The following GABRP variants were observed in gnomAD, a reference collection of about 807,000 sequenced individuals.
The protein encoded by GABRP is gamma-aminobutyric acid receptor subunit pi.
In GABRP, 52 loss-of-function variants were observed where a neutral mutation model predicts 47.8. The observed-to-expected ratio is 1.09, with a 90% CI of 0.87 to 1.37. GABRP has a LOEUF of 1.37. Among genes scored for constraint, GABRP ranks in the 40% most tolerant of loss-of-function variants. GABRP has a pLI of 0.00. For missense variants in GABRP, 525 were observed against 542.8 expected, an observed-to-expected ratio of 0.97 and a Z score of 0.33; for synonymous variants, 221 against 205.8, an observed-to-expected ratio of 1.07 and a Z score of -0.63.
intron 3 of GABRP, among the ~76,000 whole-genome samples, chr5:170,791,285 C>A (rs529630141): frequency 1.3e-5 from 2 of 152,322 alleles, no homozygotes; most frequent in Admixed American, 1.3e-4. Flanking sequence ...AAAGCACAAC[C>A]CCATACCCCT....
At chr5:170,801,862 G>C (rs373616128) in intron 6 of GABRP, among the ~76,000 whole-genome samples, 2 of 151,604 alleles carry the variant, frequency 1.3e-5, no homozygotes, top group African/African-American at 2.4e-5. Flanking sequence ...TAATGGGGGG[G>C]GGGTCAGAGT....
Position 170,789,205 on chromosome 5 carries a change from C to G in GABRP, c.130C>G (p.Leu44Val). Residue 44 changes from leucine (L) to valine (V), a missense_variant, in exon 3 of 10, where the codon CTC becomes GTC. By Grantham distance (32) the Leu-to-Val change is conservative. Coordinates refer to ENST00000265294, the MANE Select transcript of GABRP (RefSeq NM_014211.3). ...GCTTTCCCTGCCTGGCTTTGAGAAC[C>G]TCACAGCAGGATATAACAAATTTCT... Reference protein sequence around the residue: ...DKLSLPGFENLTAGYNKFLRP... With the variant: ...DKLSLPGFENVTAGYNKFLRP... The G allele has an allele frequency of 6.2e-7, 1 of 1,614,182 alleles. No individual in the cohort carries two copies. Among genetic ancestry groups the G allele is most frequent in the Non-Finnish European group, 8.5e-7 (1 of 1,180,014 alleles).
intron 1 of GABRP, 109 bp from the exon 2 acceptor site, chr5:170,788,465 A>G (rs983517364): frequency 7.4e-6 from 5 of 678,274 alleles, no homozygotes; most frequent in Non-Finnish European, 1.3e-5. Flanking sequence ...GCTGCTTCCT[A>G]TGCATGCTGA....
chr5:170,789,097 A>T lies in GABRP; in HGVS notation c.54-32A>T, dbSNP rs189632864. 3.2e-6 allele frequency: 5 copies of T among 1,553,010 alleles called. 1 individual carries two copies. The South Asian group carries it at 5.6e-5, about 17-fold the overall frequency. ...ACACGTGTTGATTCACACATAAACA[A>T]GCAAACACAACAAAGCCCATTTCTT... On this transcript the variant is annotated intron_variant, in intron 2 of 9. Transcript: ENST00000265294.
intron 6 of GABRP, among the ~76,000 whole-genome samples, chr5:170,800,649 T>C (rs1765567478): frequency 6.6e-6 from 1 of 152,044 alleles, no homozygotes; most frequent in Admixed American, 6.6e-5. Flanking sequence ...ATAGTAATAA[T>C]AATAGTAATA....
intron 1 of GABRP, among the ~76,000 whole-genome samples, chr5:170,786,761 A>G (rs1020650455): frequency 6.6e-6 from 1 of 152,198 alleles, no homozygotes; most frequent in Non-Finnish European, 1.5e-5. Flanking sequence ...TGCGTGGCAC[A>G]GTTGTAAGCA....
intron 3 of GABRP, among the ~76,000 whole-genome samples, 190 bp downstream of exon 3, chr5:170,789,437 C>T (rs1319859563): frequency 6.6e-6 from 1 of 152,192 alleles, no homozygotes; most frequent in Non-Finnish European, 1.5e-5. Context: ...CCAGCCTCTC[C>T]ACCTGCAAGA....
chr5:170,788,490 G>A (rs555334211), intron 1 of GABRP, 84 bp from the exon 2 acceptor site: 18 of 890,202 alleles, frequency 2.0e-5, no homozygotes, highest in African/African-American at 1.7e-4. Flanking sequence ...ATGCTGTACC[G>A]ACCACCCACC....
In GABRP at chr5:170,812,044, G is replaced by C; in HGVS notation, c.1109G>C (p.Ser370Thr). 6.2e-7 allele frequency: 1 copy of C among 1,614,150 alleles called. No homozygotes were observed. The highest frequency in any genetic ancestry group is 8.5e-7 in the Non-Finnish European group (1 of 1,180,022). The part of the protein sequence containing the change: ...SSFKRKISFA[S>T]IEISSDNVDY... ...TTTAAACGGAAGATCAGCTTTGCCA[G>C]CATTGAAATTTCCAGCGACAACGTT... Residue 370 changes from serine (S) to threonine (T), a missense_variant, in exon 10 of 10, where the codon AGC becomes ACC. Transcript: ENST00000265294.
intron 3 of GABRP, among the ~76,000 whole-genome samples, chr5:170,791,681 G>A (rs536983589): frequency 3.1e-4 from 47 of 152,340 alleles, no homozygotes; most frequent in Admixed American, 8.5e-4. Context: ...TGGAGCTCTC[G>A]TGTCTTTTCC....
intron 5 of GABRP, among the ~76,000 whole-genome samples, chr5:170,797,189 G>A (rs927487785): frequency 2.0e-5 from 3 of 152,224 alleles, no homozygotes; most frequent in African/African-American, 4.8e-5. Context: ...AAAGCATCTC[G>A]AGCCAATGCA....
At chr5:170,808,856 A>G (rs1198319602) in intron 8 of GABRP, 104 bp downstream of exon 8, 2 of 978,566 alleles carry the variant, frequency 2.0e-6, no homozygotes, top group African/African-American at 3.3e-5. Flanking sequence ...CAGTTCCAAG[A>G]GTTGTTTTCT....
chr5:170,789,504 C>T (rs41275331), intron 3 of GABRP, among the ~76,000 whole-genome samples: 3,002 of 152,292 alleles, frequency 0.02, 46 homozygotes, highest in Non-Finnish European at 0.026. Context: ...CACTCACACA[C>T]TGTCGTCCTC....
Position 170,794,274 on chromosome 5 carries a change from C to A in GABRP, c.216C>A (p.Ile72=), listed in dbSNP as rs140333913. The change falls in exon 4 of 10, where the codon ATC becomes ATA. Residue 72 remains isoleucine, a synonymous_variant. Coordinates refer to ENST00000265294, the MANE Select transcript of GABRP (RefSeq NM_014211.3). The part of the protein sequence containing the change: ...QIALTLDIAS[I]SSISESNMDY... ...CGCTGACTCTGGACATTGCAAGTAT[C>A]TCTAGCATTTCAGAGAGTAACATGG... is the stretch of plus-strand genomic sequence containing the variant. 6.2e-7 allele frequency: 1 copy of A among 1,609,066 alleles called. No homozygotes were observed. The highest frequency in any genetic ancestry group is 8.5e-7 in the Non-Finnish European group (1 of 1,178,220).
In GABRP at chr5:170,813,297, C is replaced by T. The variant is rs1214838412; in HGVS notation, c.*1039C>T. ...ATCATTCCAAGAGGAGCATTCATCC[C>T]TTTGCTCTAATGATCAGGAATGATG... On this transcript the variant is annotated 3_prime_UTR_variant, in exon 10 of 10. Coordinates refer to ENST00000265294, the MANE Select transcript of GABRP (RefSeq NM_014211.3). 2.0e-5 allele frequency: 3 copies of T among 152,216 alleles called. No homozygotes were observed. The highest frequency in any genetic ancestry group is 7.2e-5 in the African/African-American group (3 of 41,450). 9.4% of individuals were successfully genotyped at this position (152,216 alleles called of 1,614,324 possible).
intron 3 of GABRP, among the ~76,000 whole-genome samples, chr5:170,793,706 A>G (rs570759081): frequency 6.6e-6 from 1 of 152,336 alleles, no homozygotes; most frequent in African/African-American, 2.4e-5. Flanking sequence ...CCCTCCATGT[A>G]AGAAGTGGCA....
chr5:170,792,447 AAAAAAAG>A (rs1023822037), intron 3 of GABRP, among the ~76,000 whole-genome samples: 4 of 141,346 alleles, frequency 2.8e-5, no homozygotes, highest in African/African-American at 9.9e-5. Flanking sequence ...CATCTCAAAA[AAAAAAAG>A]AAAGAAAGAA....
Position 170,809,702 on chromosome 5 carries a change from G to C in GABRP, c.967G>C (p.Glu323Gln), listed in dbSNP as rs763359543. 9 of 1,612,528 alleles carry C rather than the reference G, an allele frequency of 5.6e-6. No individual in the cohort carries two copies. The South Asian group carries it at 8.8e-5, about 16-fold the overall frequency. The change falls in exon 9 of 10, where the codon GAA becomes CAA. Residue 323 changes from glutamate (E) to glutamine (Q), a missense_variant. Coordinates refer to ENST00000265294, the MANE Select transcript of GABRP (RefSeq NM_014211.3). ...CFSFVFGALL[E>Q]YAVAHYSSLQ... ...TAGCTTTGTGTTTGGGGCCTTGCTA[G>C]AATATGCAGTTGCTCACTACAGTTC...
chr5:170,788,705 G>A (rs370004736), intron 2 of GABRP, 37 bp downstream of exon 2: 97 of 1,603,002 alleles, frequency 6.1e-5, no homozygotes, highest in African/African-American at 6.0e-4. Flanking sequence ...CTCCATCTGC[G>A]TTGCTTTGCA....
Sources: gnomAD v4.1 joint callset for allele counts (sites outside exome capture counted in the v4.1 genomes callset) on GRCh38, gnomAD v4.1.1 for gene constraint, MANE v1.5 for transcripts, NCBI Gene and HGNC (gene_info 2026-07-23, HGNC 2026-07-21) for gene names.